Variants in FARS2 observed in about 807,000 individuals in gnomAD.
FARS2 encodes phenylalanine--tRNA ligase, mitochondrial.
Under a neutral mutation model 46.4 loss-of-function variants are expected in FARS2, and 40 were observed. That is an observed-to-expected ratio of 0.86 (90% CI 0.67 to 1.12). The LOEUF is 1.12. FARS2 is among the 50% of genes most tolerant of loss of function. The pLI, the probability that FARS2 is intolerant of heterozygous loss-of-function variation, is 0.00. For missense variants in FARS2, 513 were observed against 567.9 expected (o/e 0.90, Z 0.98); for synonymous variants, 234 against 214.9 (o/e 1.09, Z -0.78).
At chr6:5,456,931 A>C (rs905450968) in intron 4 of FARS2, 1 of 152,228 alleles carries the variant, frequency 6.6e-6, no homozygotes, top group African/African-American at 2.4e-5. Flanking sequence ...AGGGAAAGGG[A>C]GGCCGAGGGT....
At chr6:5,586,531 G>A (rs1483878558) in intron 5 of FARS2, among the ~76,000 whole-genome samples, 1 of 152,042 alleles carries the variant, frequency 6.6e-6, no homozygotes, top group African/African-American at 2.4e-5. Context: ...TGTATCCCAG[G>A]GAGAAATTCC....
At chr6:5,315,745 T>TCTTTCTTTCTTTCTTTCTTC (rs1414591456) in intron 1 of FARS2, among the ~76,000 whole-genome samples, 2,996 of 150,214 alleles carry the variant, frequency 0.02, 52 homozygotes, top group African/African-American at 0.039. Context: ...TTTTTTCCTT[T>TCTTTCTTTCTTTCTTTCTTC]CTTTCTTTCT....
chr6:5,596,339 C>T (rs1017054498), intron 5 of FARS2, among the ~76,000 whole-genome samples: 2 of 152,200 alleles, frequency 1.3e-5, no homozygotes, highest in Non-Finnish European at 2.9e-5. Flanking sequence ...CACCCCCTTT[C>T]CCCGTCCACA....
intron 5 of FARS2, among the ~76,000 whole-genome samples, chr6:5,550,070 A>G (rs1410105551): frequency 6.6e-6 from 1 of 152,134 alleles, no homozygotes; most frequent in African/African-American, 2.4e-5. Flanking sequence ...CCCAAAATAC[A>G]ATGAGTAGGA....
intron 4 of FARS2, among the ~76,000 whole-genome samples, chr6:5,535,160 A>G (rs1770118865): frequency 1.3e-5 from 2 of 152,296 alleles, no homozygotes; most frequent in South Asian, 2.1e-4. Context: ...CCATTTGTCT[A>G]TCTCCTAAAA....
chr6:5,684,491 T>C (rs1757028162), intron 6 of FARS2, among the ~76,000 whole-genome samples: 1 of 152,242 alleles, frequency 6.6e-6, no homozygotes, highest in Non-Finnish European at 1.5e-5. Flanking sequence ...CTTGTTTTCA[T>C]GATCACTGCC....
chr6:5,740,508 T>C (rs919578951), intron 6 of FARS2, among the ~76,000 whole-genome samples: 1 of 152,046 alleles, frequency 6.6e-6, no homozygotes, highest in Non-Finnish European at 1.5e-5. Context: ...GGGTTTTTTT[T>C]TTTTCAAAAA....
chr6:5,469,378 CTG>C (rs1441933393), intron 4 of FARS2, among the ~76,000 whole-genome samples: 1 of 152,262 alleles, frequency 6.6e-6, no homozygotes, highest in Non-Finnish European at 1.5e-5. Flanking sequence ...CATATCCCTG[CTG>C]TGTGTCCTTC....
chr6:5,616,255 G>T (rs998671642), intron 6 of FARS2, among the ~76,000 whole-genome samples: 2 of 152,126 alleles, frequency 1.3e-5, no homozygotes, highest in African/African-American at 2.4e-5. Context: ...TGATGCTGTG[G>T]AGTGCCAATT....
intron 5 of FARS2, among the ~76,000 whole-genome samples, chr6:5,595,732 A>G (rs930057675): frequency 6.6e-5 from 10 of 152,190 alleles, no homozygotes; most frequent in African/African-American, 2.4e-4. Context: ...GAGCAGTAAA[A>G]TAGTAAACAT....
intron 4 of FARS2, among the ~76,000 whole-genome samples, chr6:5,444,347 A>G (rs1040004325): frequency 1.2e-4 from 18 of 151,508 alleles, no homozygotes; most frequent in Non-Finnish European, 2.1e-4. Context: ...GGTGCCTGTA[A>G]TCCCAGCTAC....
chr6:5,671,117 A>T (rs191849206), intron 6 of FARS2, among the ~76,000 whole-genome samples: 154 of 152,376 alleles, frequency 1.0e-3, no homozygotes, highest in South Asian at 3.1e-3. Context: ...TCTCCAGACA[A>T]ACCCTGAGGT....
intron 6 of FARS2, among the ~76,000 whole-genome samples, chr6:5,671,289 C>T (rs996557078): frequency 1.3e-5 from 2 of 152,164 alleles, no homozygotes; most frequent in East Asian, 1.9e-4. Flanking sequence ...CAGAGCATGA[C>T]GTAAGAGTTA....
intron 1 of FARS2, among the ~76,000 whole-genome samples, chr6:5,280,816 G>A (rs1043168371): frequency 6.6e-6 from 1 of 151,942 alleles, no homozygotes; most frequent in Non-Finnish European, 1.5e-5. Context: ...ATTATACACT[G>A]TGTATAATTC....
chr6:5,489,893 A>G (rs765632526), intron 4 of FARS2, among the ~76,000 whole-genome samples: 22 of 152,234 alleles, frequency 1.4e-4, no homozygotes, highest in Non-Finnish European at 3.1e-4. Context: ...CATGCACATA[A>G]TAATATTTTT....
At chr6:5,670,401 G>T (rs1322501830) in intron 6 of FARS2, among the ~76,000 whole-genome samples, 2 of 152,062 alleles carry the variant, frequency 1.3e-5, no homozygotes, top group African/African-American at 4.8e-5. Flanking sequence ...CTAAACTTTT[G>T]TGTCCCCTAC....
At chr6:5,358,483 G>C (rs1758079431) in intron 1 of FARS2, among the ~76,000 whole-genome samples, 1 of 152,022 alleles carries the variant, frequency 6.6e-6, no homozygotes, top group African/African-American at 2.4e-5. Context: ...GGATGATTTT[G>C]ATATTTTTGT....
intron 6 of FARS2, among the ~76,000 whole-genome samples, chr6:5,664,651 T>C (rs1778018718): frequency 6.6e-6 from 1 of 152,234 alleles, no homozygotes; most frequent in African/African-American, 2.4e-5. Flanking sequence ...GTGTTATGCT[T>C]ACTTGTAGAC....
chr6:5,524,334 A>AG (rs1769332190), intron 4 of FARS2, among the ~76,000 whole-genome samples: 1 of 152,236 alleles, frequency 6.6e-6, no homozygotes, highest in Non-Finnish European at 1.5e-5. Flanking sequence ...CTACAGAGTG[A>AG]GCTGGTCATG....
Sources: gnomAD v4.1 joint callset for allele counts (sites outside exome capture counted in the v4.1 genomes callset) on GRCh38, gnomAD v4.1.1 for gene constraint, MANE v1.5 for transcripts, NCBI Gene and HGNC (gene_info 2026-07-23, HGNC 2026-07-21) for gene names.